ATP10A: variants seen among roughly 807,000 people sequenced by gnomAD.
ATP10A encodes phospholipid-transporting ATPase VA.
Under a neutral mutation model 147.8 loss-of-function variants are expected in ATP10A, and 111 were observed. The ratio of observed to expected loss-of-function variants is 0.75; its 90% CI spans 0.64 to 0.88. The LOEUF is 0.88. ATP10A is among the 40% of genes least tolerant of loss of function. The pLI is 0.00. For synonymous variants in ATP10A, 875 were observed against 841.6 expected (o/e 1.04, Z -0.69); for missense variants, 1,927 against 1,959.0 (o/e 0.98, Z 0.31).
chr15:25,862,764 T>A lies in ATP10A; in HGVS notation c.333A>T (p.Ala111=). 6.2e-7 allele frequency: 1 copy of A among 1,611,608 alleles called. No homozygotes were observed. Among genetic ancestry groups the A allele is most frequent in the African/African-American group, 1.3e-5 (1 of 75,002 alleles). ...CCAGGATGAAGAGCACCGGCGCCAG[T>A]GCCAGGCCGGGCTGGAAGGCGTTCA... ...PAVNAFQPGL[A]LAPVLFILAI... Residue 111 remains alanine, a synonymous_variant, in exon 1 of 21, where the codon GCA becomes GCT. Coordinates refer to ENST00000555815, the MANE Select transcript of ATP10A (RefSeq NM_024490.4).
intron 1 of ATP10A, among the ~76,000 whole-genome samples, chr15:25,796,223 C>T (rs1890664200): frequency 6.6e-6 from 1 of 152,026 alleles, no homozygotes. Flanking sequence ...GAGTTCGAGA[C>T]TAGCCTGAGC....
At chr15:25,775,159 A>G (rs1889541415) in intron 2 of ATP10A, among the ~76,000 whole-genome samples, 1 of 152,238 alleles carries the variant, frequency 6.6e-6, no homozygotes, top group African/African-American at 2.4e-5. Context: ...TGAAAAGCTT[A>G]GGGAAAAAGA....
At chr15:25,795,291 A>G (rs1379041189) in intron 1 of ATP10A, among the ~76,000 whole-genome samples, 3 of 152,102 alleles carry the variant, frequency 2.0e-5, no homozygotes, top group African/African-American at 7.2e-5. Flanking sequence ...CGTCCACGTG[A>G]CTAAGACACA....
intron 1 of ATP10A, among the ~76,000 whole-genome samples, chr15:25,825,019 G>A (rs1054193133): frequency 1.3e-5 from 2 of 151,996 alleles, no homozygotes; most frequent in Non-Finnish European, 2.9e-5. Context: ...CTTCACTCTG[G>A]GAAAAACAAA....
intron 3 of ATP10A, among the ~76,000 whole-genome samples, chr15:25,727,615 A>G (rs1902661119): frequency 6.6e-6 from 1 of 152,222 alleles, no homozygotes; most frequent in Non-Finnish European, 1.5e-5. Context: ...TGGTCTCTGT[A>G]CATCTCCTGC....
chr15:25,766,600 T>C (rs988422254), intron 2 of ATP10A, among the ~76,000 whole-genome samples: 1 of 151,260 alleles, frequency 6.6e-6, no homozygotes, highest in Admixed American at 6.6e-5. Context: ...TCTATTGTAA[T>C]TGGATCTTCC....
Position 25,679,301 on chromosome 15 carries a change from C to A in ATP10A, c.*40G>T. On this transcript the variant is annotated 3_prime_UTR_variant, in exon 21 of 21. Coordinates refer to ENST00000555815, the MANE Select transcript of ATP10A (RefSeq NM_024490.4). Reference sequence around the variant, plus strand: ...AAATAATAAACATAAATAATATTAACATTTATTTATATATATTAAAAAAGG... The same window carrying A: ...AAATAATAAACATAAATAATATTAAAATTTATTTATATATATTAAAAAAGG... 3.2e-6 allele frequency: 4 copies of A among 1,234,324 alleles called. No individual in the cohort carries two copies. Among genetic ancestry groups the A allele is most frequent in the Non-Finnish European group, 4.2e-6 (4 of 960,484 alleles). The allele number at this position is 1,234,324 out of a possible 1,614,324, so 76.5% of individuals were successfully genotyped here.
intron 1 of ATP10A, among the ~76,000 whole-genome samples, chr15:25,845,306 CG>C (rs1486018287): frequency 6.9e-6 from 1 of 143,918 alleles, no homozygotes; most frequent in Non-Finnish European, 1.5e-5. Flanking sequence ...GAAATCAGCA[CG>C]GACCGTTTGT....
intron 1 of ATP10A, among the ~76,000 whole-genome samples, chr15:25,781,842 C>G (rs61991470): frequency 6.6e-6 from 1 of 152,072 alleles, no homozygotes; most frequent in Non-Finnish European, 1.5e-5. Context: ...CACAGCTTAA[C>G]GGCAAGAGGC....
At chr15:25,814,894 T>C (rs997754504) in intron 1 of ATP10A, among the ~76,000 whole-genome samples, 1 of 152,160 alleles carries the variant, frequency 6.6e-6, no homozygotes, top group Non-Finnish European at 1.5e-5. Flanking sequence ...GCACCAATGA[T>C]GAAAAGCCAG....
intron 16 of ATP10A, among the ~76,000 whole-genome samples, chr15:25,685,926 C>T (rs1375965786): frequency 1.3e-5 from 2 of 152,122 alleles, no homozygotes; most frequent in Admixed American, 1.3e-4. Flanking sequence ...TGCCCACCCC[C>T]ATTCATCCCT....
At chr15:25,862,288 C>T (rs1893795456) in intron 1 of ATP10A, 2 of 503,050 alleles carry the variant, frequency 4.0e-6, no homozygotes, top group South Asian at 1.5e-5. Flanking sequence ...GGACTTCAGG[C>T]CAGGGGGCCA....
chr15:25,849,314 C>T (rs1388967610), intron 1 of ATP10A, among the ~76,000 whole-genome samples: 2 of 152,168 alleles, frequency 1.3e-5, no homozygotes, highest in African/African-American at 4.8e-5. Flanking sequence ...TAGGAATTAT[C>T]TAGCCCTGGG....
At position 25,759,247 on chromosome 15, in the gene ATP10A, A is replaced by G. The variant is rs111800167; in HGVS notation, c.654+21772T>C. Among the ~76,000 whole-genome samples the G allele has an allele frequency of 4.1e-3, 618 of 152,320 alleles. 6 individuals are homozygous for G. Among genetic ancestry groups the G allele is most frequent in the African/African-American group, 0.014 (588 of 41,574 alleles). ...CAAAACTTTATATATAACAATATATATAACAAAATGATAAAGGGAAAAGGC... is the reference window on the plus strand; with the variant it reads ...CAAAACTTTATATATAACAATATATGTAACAAAATGATAAAGGGAAAAGGC... On this transcript the variant is annotated intron_variant, in intron 2 of 20. Transcript: ENST00000555815.
intron 2 of ATP10A, among the ~76,000 whole-genome samples, chr15:25,746,104 G>C (rs780587924): frequency 1.3e-5 from 2 of 152,076 alleles, no homozygotes; most frequent in Non-Finnish European, 1.5e-5. Flanking sequence ...AAAAACTCAA[G>C]ACTATATTGA....
chr15:25,684,303 T>C (rs1169707462), intron 16 of ATP10A, among the ~76,000 whole-genome samples: 3 of 152,186 alleles, frequency 2.0e-5, no homozygotes, highest in Admixed American at 1.3e-4. Flanking sequence ...AGTTTAGTGA[T>C]TGCAAAGCAT....
At chr15:25,764,076 T>C (rs1334562600) in intron 2 of ATP10A, among the ~76,000 whole-genome samples, 2 of 152,140 alleles carry the variant, frequency 1.3e-5, no homozygotes, top group Non-Finnish European at 2.9e-5. Context: ...CAGTCTCCAA[T>C]GGGCACATGA....
At chr15:25,859,404 C>T (rs1163879220) in intron 1 of ATP10A, among the ~76,000 whole-genome samples, 1 of 152,208 alleles carries the variant, frequency 6.6e-6, no homozygotes, top group Non-Finnish European at 1.5e-5. Context: ...CAGGCAGCCC[C>T]TTTCTTCCCA....
chr15:25,863,338 C>T (rs918455520), upstream of ATP10A: 1 of 163,936 alleles, frequency 6.1e-6, no homozygotes, highest in Non-Finnish European at 1.3e-5. Flanking sequence ...GGGCGGGTGC[C>T]GCACAGAGCC....
Sources: gnomAD v4.1 joint callset for allele counts (sites outside exome capture counted in the v4.1 genomes callset) on GRCh38, gnomAD v4.1.1 for gene constraint, MANE v1.5 for transcripts, NCBI Gene and HGNC (gene_info 2026-07-23, HGNC 2026-07-21) for gene names.